BRSK2: variants seen among roughly 807,000 people sequenced by gnomAD.
The protein encoded by BRSK2 is BR serine/threonine kinase 2.
In BRSK2, 19 loss-of-function variants were observed where a neutral mutation model predicts 83.3. The observed-to-expected ratio is 0.23, with a 90% CI of 0.16 to 0.33. The LOEUF is 0.33. Among genes scored for constraint, BRSK2 ranks in the 10% least tolerant of loss-of-function variants. The probability of loss-of-function intolerance (pLI) is 1.00; values close to 1 mark genes in which losing one functional copy is unlikely to be tolerated. For synonymous variants in BRSK2, 519 were observed against 435.4 expected (o/e 1.19, Z -2.39); for missense variants, 798 against 1,042.3 (o/e 0.77, Z 3.23).
At chr11:1,405,933 G>C (rs537974697) in intron 1 of BRSK2, among the ~76,000 whole-genome samples, 1 of 152,170 alleles carries the variant, frequency 6.6e-6, no homozygotes, top group South Asian at 2.1e-4. Context: ...TCAGACGCTG[G>C]TCTGCACCTG....
At chr11:1,451,306 G>A (rs1413997985) in intron 14 of BRSK2, 65 bp from the exon 15 acceptor site, 74 of 1,589,918 alleles carry the variant, frequency 4.7e-5, no homozygotes, top group Non-Finnish European at 6.1e-5. Context: ...GGCGCAAGGT[G>A]GCCAGGGCAG....
At chr11:1,413,841 T>C (rs914391548) in intron 1 of BRSK2, among the ~76,000 whole-genome samples, 1 of 152,178 alleles carries the variant, frequency 6.6e-6, no homozygotes, top group African/African-American at 2.4e-5. Context: ...CCCCAGGGGC[T>C]GGAGCTCAGG....
chr11:1,446,244 G>A (rs1036829292), intron 12 of BRSK2, among the ~76,000 whole-genome samples: 9 of 147,398 alleles, frequency 6.1e-5, no homozygotes, highest in African/African-American at 1.3e-4. Flanking sequence ...ACTGGACTGC[G>A]CGGCTGAGCA....
At chr11:1,459,131 C>T in intron 18 of BRSK2, 61 bp from the exon 19 acceptor site, 2 of 1,563,296 alleles carry the variant, frequency 1.3e-6, no homozygotes, top group Non-Finnish European at 1.8e-6. Flanking sequence ...GGCGTCCAGC[C>T]AGAAGGCCCA....
intron 1 of BRSK2, among the ~76,000 whole-genome samples, chr11:1,397,747 T>G (rs1272875131): frequency 1.3e-5 from 2 of 152,068 alleles, no homozygotes; most frequent in African/African-American, 4.8e-5. Context: ...GGGGGTACCA[T>G]CCTATGAGGA....
At position 1,460,795 on chromosome 11, in the gene BRSK2, A is replaced by T. The variant is rs1457624095; in HGVS notation, c.*72A>T. On this transcript the variant is annotated 3_prime_UTR_variant, in exon 20 of 20. Coordinates refer to ENST00000528841, the MANE Select transcript of BRSK2 (RefSeq NM_001256627.2). ...GCCGCCCGCCGCCCGCCCTGCCCCG[A>T]GTGGACCCGCGGCCGCGCCGCCCGT... 5.1e-6 allele frequency: 7 copies of T among 1,373,148 alleles called. No individual in the cohort carries two copies. Among genetic ancestry groups the T allele is most frequent in the Non-Finnish European group, 4.7e-6 (5 of 1,062,562 alleles). The allele number at this position is 1,373,148 out of a possible 1,614,324, so 85.1% of individuals were successfully genotyped here.
chr11:1,415,094 CTTTTTT>C (rs34102200), intron 1 of BRSK2, among the ~76,000 whole-genome samples: 1 of 128,628 alleles, frequency 7.8e-6, no homozygotes. Context: ...CTGTCTTTAC[CTTTTTT>C]TTTTTTTTTT....
chr11:1,447,774 T>G (rs1201534130), intron 12 of BRSK2: 12 of 1,592,486 alleles, frequency 7.5e-6, no homozygotes, highest in African/African-American at 1.3e-5. Context: ...AGTAACTGTG[T>G]TTTCTCGCTC....
Position 1,450,591 on chromosome 11 carries a change from C to T in BRSK2, c.1292C>T (p.Thr431Ile), listed in dbSNP as rs774997180. Residue 431 changes from threonine to isoleucine, a missense_variant, in exon 14 of 20, where the codon ACC (threonine) becomes ATC (isoleucine). Transcript: ENST00000528841. ...AAATCTGTCCCCACCATACAGGTGA[C>T]CCCTCACCCCTCACCAAGGGGCAGT... Reference protein sequence around the residue: ...STSPLSSPRVTPHPSPRGSPL... With the variant: ...STSPLSSPRVIPHPSPRGSPL... 21 of 1,561,346 alleles carry T rather than the reference C, an allele frequency of 1.3e-5. No individual in the cohort carries two copies. Among genetic ancestry groups the T allele is most frequent in the Non-Finnish European group, 1.5e-5 (17 of 1,150,340 alleles).
chr11:1,414,735 C>T (rs7948910), intron 1 of BRSK2, among the ~76,000 whole-genome samples: 61,300 of 152,112 alleles, frequency 0.4, 13,094 homozygotes, highest in Non-Finnish European at 0.46. Context: ...CTGCGCCACA[C>T]GTTCTCTTGC....
chr11:1,428,501 G>A (rs1849511153), intron 1 of BRSK2, among the ~76,000 whole-genome samples: 1 of 152,216 alleles, frequency 6.6e-6, no homozygotes. Flanking sequence ...GGGGTGAAGG[G>A]GCCCCACTCA....
chr11:1,446,356 G>A (rs2133136825), intron 12 of BRSK2, among the ~76,000 whole-genome samples: 1 of 149,808 alleles, frequency 6.7e-6, no homozygotes, highest in East Asian at 2.0e-4. Flanking sequence ...GGCTGAGCTG[G>A]GCAGGGCTGG....
chr11:1,405,381 C>T, intron 1 of BRSK2, among the ~76,000 whole-genome samples: 1 of 152,088 alleles, frequency 6.6e-6, no homozygotes, highest in Non-Finnish European at 1.5e-5. Flanking sequence ...CCTGTGTGTG[C>T]AGGTGCCAGC....
intron 1 of BRSK2, among the ~76,000 whole-genome samples, chr11:1,408,967 G>GGGGT (rs577961330): frequency 1.7e-5 from 2 of 120,906 alleles, no homozygotes; most frequent in Non-Finnish European, 3.9e-5. Flanking sequence ...TGCCTGTGCA[G>GGGGT]GTGTGTGTGT....
rs754584333 is a variant in BRSK2 at position 1,450,709 on chromosome 11, C to T, written c.1410C>T (p.Val470=). The T allele has an allele frequency of 2.5e-5, 40 of 1,605,976 alleles. No homozygotes were observed. The highest frequency in any genetic ancestry group is 3.3e-5 in the South Asian group (3 of 90,238). ...PNPTPPSSPS[V]GGVPWRARLN... ...CCACGCCCCCGTCCAGCCCCAGCGT[C>T]GGAGGGGTGCCCTGGAGGGCGCGGC... The change falls in exon 14 of 20, where the codon GTC becomes GTT. Residue 470 remains valine (V), a synonymous_variant. Transcript: ENST00000528841.
At chr11:1,408,922 G>A (rs1315384352) in intron 1 of BRSK2, among the ~76,000 whole-genome samples, 1 of 151,506 alleles carries the variant, frequency 6.6e-6, no homozygotes. Flanking sequence ...GCCTGTGCAA[G>A]GGTGTGTGTG....
At chr11:1,449,918 G>C in intron 13 of BRSK2, 82 bp downstream of exon 13, 1 of 1,097,646 alleles carries the variant, frequency 9.1e-7, no homozygotes, top group Non-Finnish European at 1.4e-6. Context: ...GGTGGGGGCA[G>C]CCTCGCGGAC....
At chr11:1,444,507 C>A (rs564932989) in intron 8 of BRSK2, among the ~76,000 whole-genome samples, 1 of 152,120 alleles carries the variant, frequency 6.6e-6, no homozygotes, top group Non-Finnish European at 1.5e-5. Context: ...CCCTGCCCCG[C>A]CGCACAGGTG....
At position 1,460,954 on chromosome 11, in the gene BRSK2, T is replaced by C; in HGVS notation, c.*231T>C. 6.2e-7 allele frequency: 1 copy of C among 1,612,462 alleles called. No homozygotes were observed. On this transcript the variant is annotated 3_prime_UTR_variant, in exon 20 of 20. Transcript: ENST00000528841. ...CCTGTCTCTGACAGCATCGCTTGTT[T>C]CCACTCTGATACCAGGAATTATCCC...
Sources: allele counts gnomAD v4.1 joint callset (sites outside exome capture counted in the v4.1 genomes callset), GRCh38; gene constraint gnomAD v4.1.1; transcripts MANE v1.5; gene names NCBI Gene and HGNC (gene_info 2026-07-23, HGNC 2026-07-21).